Variants in HIPK4 observed in about 807,000 individuals in gnomAD.
HIPK4 encodes the protein homeodomain-interacting protein kinase 4.
A neutral mutation model predicts 44.8 loss-of-function variants in HIPK4; 26 were observed. The observed-to-expected ratio is 0.58, with a 90% confidence interval of 0.43 to 0.80. HIPK4 has a LOEUF of 0.80. Among genes scored for constraint, HIPK4 ranks in the 30% least tolerant of loss-of-function variants. The probability of loss-of-function intolerance (pLI) is 0.00; values close to 1 mark genes in which losing one functional copy is unlikely to be tolerated. For synonymous variants in HIPK4, 340 were observed against 355.5 expected (o/e 0.96, Z 0.49); for missense variants, 729 against 862.6 (o/e 0.85, Z 1.94).
rs940360583 is a variant in HIPK4, at chr19:40,389,244, G to C, written c.465+194C>G. Reference sequence around the variant, plus strand: ...GGAGGCTGAGGCAGGATAATCACTTGAACCCAGGAGGCGGAGTTGCAGTGA... The same window carrying C: ...GGAGGCTGAGGCAGGATAATCACTTCAACCCAGGAGGCGGAGTTGCAGTGA... On this transcript the variant is annotated intron_variant, in intron 1 of 3. Transcript: ENST00000291823. The surrounding 1 kb of genome is among the most constrained non-coding windows in gnomAD (Gnocchi z 4.6). 6.6e-6 allele frequency among the ~76,000 whole-genome samples: 1 copy of C among 152,096 alleles called. No homozygotes were observed. Among genetic ancestry groups the C allele is most frequent in the African/African-American group, 2.4e-5 (1 of 41,414 alleles).
In HIPK4 at chr19:40,379,774, G is replaced by A. The variant is rs749021297; in HGVS notation, c.1669-5C>T. On this transcript the variant is annotated splice_region_variant and splice_polypyrimidine_tract_variant and intron_variant, in intron 3 of 3. Coordinates refer to ENST00000291823, the MANE Select transcript of HIPK4 (RefSeq NM_144685.5). Reference sequence around the variant, plus strand: ...GAAGAGCTCAGGGTCTGGCCTCTGTGGGGGAAGAGAGAGGGGCATCAGCCA... The same window carrying A: ...GAAGAGCTCAGGGTCTGGCCTCTGTAGGGGAAGAGAGAGGGGCATCAGCCA... The A allele has an allele frequency of 3.7e-6, 6 of 1,606,422 alleles. No homozygotes were observed. The highest frequency in any genetic ancestry group is 3.5e-5 in the Admixed American group (2 of 57,416).
At chr19:40,386,717 G>A (rs761265806) in intron 1 of HIPK4, among the ~76,000 whole-genome samples, 2 of 152,184 alleles carry the variant, frequency 1.3e-5, no homozygotes, top group African/African-American at 4.8e-5. Flanking sequence ...TATCCATTTT[G>A]TTCAATACTG....
Position 40,389,962 on chromosome 19 carries a change from C to A in HIPK4, c.-60G>T. On this transcript the variant is annotated 5_prime_UTR_variant, in exon 1 of 4. Coordinates refer to ENST00000291823, the MANE Select transcript of HIPK4 (RefSeq NM_144685.5). The surrounding 1 kb of genome is among the most constrained non-coding windows in gnomAD (Gnocchi z 4.6). Reference sequence around the variant, plus strand: ...CCCCTGTACCACTGGCTCTGCCGCCCAGGCCTCCCGCCTGGCTGCTGACAC... The same window carrying A: ...CCCCTGTACCACTGGCTCTGCCGCCAAGGCCTCCCGCCTGGCTGCTGACAC... The A allele has an allele frequency of 7.3e-7, 1 of 1,364,900 alleles. No homozygotes were observed. The highest frequency in any genetic ancestry group is 1.0e-6 in the Non-Finnish European group (1 of 992,588). 84.5% of individuals were successfully genotyped at this position (1,364,900 alleles called of 1,614,324 possible).
At position 40,380,732 on chromosome 19, in the gene HIPK4, G is replaced by T; in HGVS notation, c.1259C>A (p.Pro420Gln). Residue 420 changes from proline to glutamine, a missense_variant, in exon 3 of 4, where the codon CCA becomes CAA. Around this residue, in one of 2 missense-constraint regions of HIPK4, gnomAD observed 533 missense variants for 567.5 expected, o/e 0.94. Coordinates refer to ENST00000291823, the MANE Select transcript of HIPK4 (RefSeq NM_144685.5). The surrounding 1 kb of genome is among the most constrained non-coding windows in gnomAD (Gnocchi z 4.2). ...SSPFFREEKA[P>Q]GMQRAIDQLD... Reference sequence around the variant, plus strand: ...CTGGTCGATGGCTCTTTGCATACCTGGTGCCTTCTCCTCTCGGAAGAAGGG... The same window carrying T: ...CTGGTCGATGGCTCTTTGCATACCTTGTGCCTTCTCCTCTCGGAAGAAGGG... The T allele has an allele frequency of 6.2e-7, 1 of 1,614,126 alleles. No individual in the cohort carries two copies. Among genetic ancestry groups the T allele is most frequent in the Non-Finnish European group, 8.5e-7 (1 of 1,179,970 alleles).
At chr19:40,384,379 C>G (rs1010808190) in intron 1 of HIPK4, among the ~76,000 whole-genome samples, 6 of 152,156 alleles carry the variant, frequency 3.9e-5, no homozygotes. Flanking sequence ...TCTCAGCACA[C>G]TGCAACCTCC....
intron 1 of HIPK4, among the ~76,000 whole-genome samples, chr19:40,386,436 C>T (rs1052100389): frequency 6.6e-6 from 1 of 152,042 alleles, no homozygotes; most frequent in African/African-American, 2.4e-5. Flanking sequence ...TCACTGTAGC[C>T]GCGAACTCCA....
intron 2 of HIPK4, among the ~76,000 whole-genome samples, chr19:40,381,665 A>G (rs1050998540): frequency 2.0e-5 from 3 of 151,876 alleles, no homozygotes; most frequent in African/African-American, 7.3e-5. Context: ...TCAAACTCCT[A>G]GTCCCCTCTG....
chr19:40,381,218 G>A, intron 2 of HIPK4, 50 bp from the exon 3 acceptor site: 1 of 1,458,754 alleles, frequency 6.9e-7, no homozygotes, highest in Non-Finnish European at 9.3e-7. Context: ...GCAGGGCTAG[G>A]GCCCTGGGCA....
At position 40,379,596 on chromosome 19, in the gene HIPK4, C is replaced by T; in HGVS notation, c.1842G>A (p.Gly614=). Residue 614 remains glycine, a synonymous_variant, in exon 4 of 4, where the codon GGG becomes GGA. Transcript: ENST00000291823. ...AGGGGTGGAATCACCATCAGTGGTG[C>T]CCGGTGACATGCTGGAGGAAGCTGG... ...GATSFLQHVT[G]HH 1 of 1,534,286 alleles carries T rather than the reference C, an allele frequency of 6.5e-7. No individual in the cohort carries two copies. The highest frequency in any genetic ancestry group is 8.8e-7 in the Non-Finnish European group (1 of 1,141,344).
rs200281362 is a variant in HIPK4 at position 40,383,787 on chromosome 19, G to A, written c.818C>T (p.Thr273Met). The A allele has an allele frequency of 7.4e-5, 119 of 1,601,704 alleles. 1 individual carries two copies. In the East Asian group the frequency reaches 2.0e-3, roughly 27 times the overall value. ...CTCACCCAACTTTTCCCTTACCTTC[G>A]TCTCGGCCAGGTAGTCAGCCGAGGA... is the stretch of plus-strand genomic sequence containing the variant. ...LKSSADYLAETKVRPLERRKY... is the reference protein window; with the variant it reads ...LKSSADYLAEMKVRPLERRKY... Residue 273 changes from threonine to methionine, a missense_variant, in exon 2 of 4, where the codon ACG (threonine) becomes ATG (methionine). By Grantham distance (81) the Thr-to-Met change is moderately conservative. Around this residue, in one of 2 missense-constraint regions of HIPK4, gnomAD observed 533 missense variants for 567.5 expected, o/e 0.94. Transcript: ENST00000291823.
Position 40,381,156 on chromosome 19 carries a change from C to G in HIPK4, c.835G>C (p.Glu279Gln). 6.3e-7 allele frequency: 1 copy of G among 1,596,020 alleles called. No homozygotes were observed. Among genetic ancestry groups the G allele is most frequent in the Non-Finnish European group, 8.5e-7 (1 of 1,175,536 alleles). ...GACTTGAGCATATACTTGCGGCGCT[C>G]CAATGGGCGCACCTGGCGGGGCATG... is the stretch of plus-strand genomic sequence containing the variant. The part of the protein sequence containing the change: ...YLAETKVRPL[E>Q]RRKYMLKSLD... Residue 279 changes from glutamate (E) to glutamine (Q), a missense_variant, in exon 3 of 4, where the codon GAG becomes CAG. This residue lies in a region of HIPK4 where 533 missense variants were observed against 567.5 expected (regional missense o/e 0.94). Coordinates refer to ENST00000291823, the MANE Select transcript of HIPK4 (RefSeq NM_144685.5).
At chr19:40,383,081 CTTT>C (rs71171564) in intron 2 of HIPK4, among the ~76,000 whole-genome samples, 5 of 78,612 alleles carry the variant, frequency 6.4e-5, no homozygotes, top group African/African-American at 4.8e-5. Context: ...TCTTTTCTTT[CTTT>C]TTTTTTTTTT....
chr19:40,389,417 C>A lies in HIPK4; in HGVS notation c.465+21G>T, dbSNP rs2079377238. The A allele has an allele frequency of 6.7e-7, 1 of 1,502,016 alleles. No homozygotes were observed. The highest frequency in any genetic ancestry group is 9.0e-7 in the Non-Finnish European group (1 of 1,113,302). 93.0% of individuals were successfully genotyped at this position (1,502,016 alleles called of 1,614,324 possible). Reference sequence around the variant, plus strand: ...AGACAAGGAACTAGGGACGCAGCCACCCTAGACGACCCCTACTCACCTTGA... The same window carrying A: ...AGACAAGGAACTAGGGACGCAGCCAACCTAGACGACCCCTACTCACCTTGA... On this transcript the variant is annotated intron_variant, in intron 1 of 3. Coordinates refer to ENST00000291823, the MANE Select transcript of HIPK4 (RefSeq NM_144685.5). The surrounding 1 kb of genome is among the most constrained non-coding windows in gnomAD (Gnocchi z 4.6).
At position 40,389,115 on chromosome 19, in the gene HIPK4, G is replaced by A. The variant is rs1046638037; in HGVS notation, c.465+323C>T. Among the ~76,000 whole-genome samples the A allele has an allele frequency of 4.0e-5, 6 of 151,516 alleles. No individual in the cohort carries two copies. Among genetic ancestry groups the A allele is most frequent in the Admixed American group, 4.0e-4 (6 of 15,166 alleles). ...GGAGAATCGCTTGAACCCGGGAGGC[G>A]GAGGCAGTGAACCAAGATCATGCCA... On this transcript the variant is annotated intron_variant, in intron 1 of 3. Transcript: ENST00000291823. This position sits in a 1 kb window ranked among gnomAD's most constrained non-coding sequence, Gnocchi z 4.6.
chr19:40,380,047 C>A lies in HIPK4; in HGVS notation c.1668+276G>T, dbSNP rs919276083. ...TCTAATTTTTTGGTGCAGACGGGAT[C>A]TCACTATGTTGCCCAGGCTCTTTAT... is the stretch of plus-strand genomic sequence containing the variant. On this transcript the variant is annotated intron_variant, in intron 3 of 3. Transcript: ENST00000291823. The surrounding 1 kb of genome is among the most constrained non-coding windows in gnomAD (Gnocchi z 4.2). Among the ~76,000 whole-genome samples, 1 of 152,172 alleles carries A rather than the reference C, an allele frequency of 6.6e-6. No individual in the cohort carries two copies. Among genetic ancestry groups the A allele is most frequent in the Non-Finnish European group, 1.5e-5 (1 of 68,030 alleles).
rs1257690424 is a variant in HIPK4, at chr19:40,384,146, G to T, written c.466-7C>A. The T allele has an allele frequency of 6.4e-7, 1 of 1,562,984 alleles. No homozygotes were observed. Among genetic ancestry groups the T allele is most frequent in the Non-Finnish European group, 8.7e-7 (1 of 1,148,472 alleles). On this transcript the variant is annotated splice_polypyrimidine_tract_variant and splice_region_variant and intron_variant, in intron 1 of 3. Coordinates refer to ENST00000291823, the MANE Select transcript of HIPK4 (RefSeq NM_144685.5). ...CGGATCCGAAGTCAATCACCTGTCG[G>T]GGGTGGGGAAGAGGGCGAGTGGGCA...
chr19:40,380,782 A>G lies in HIPK4; in HGVS notation c.1209T>C (p.Gly403=), dbSNP rs1599641475. 1.9e-6 allele frequency: 3 copies of G among 1,613,894 alleles called. No homozygotes were observed. Among genetic ancestry groups the G allele is most frequent in the Non-Finnish European group, 2.5e-6 (3 of 1,179,976 alleles). ...YCLAEEKEAA[G]MGSVAGSSPF... is the part of the protein sequence containing the mutation. ...GGCTGCTGCCGGCCACACTGCCCATACCCGCAGCCTCCTTCTCCTCAGCCA... is the reference window on the plus strand; with the variant it reads ...GGCTGCTGCCGGCCACACTGCCCATGCCCGCAGCCTCCTTCTCCTCAGCCA... Residue 403 remains glycine (G), a synonymous_variant, in exon 3 of 4, where the codon GGT becomes GGC. Transcript: ENST00000291823. This position sits in a 1 kb window ranked among gnomAD's most constrained non-coding sequence, Gnocchi z 4.2.
In HIPK4 at chr19:40,386,095, A is replaced by G. The variant is rs533389802; in HGVS notation, c.466-1956T>C. ...TTAATTATTTATTTTTTTGTGACGG[A>G]GTCTCGCTCTGTTGGCCAGGCTGGA... On this transcript the variant is annotated intron_variant, in intron 1 of 3. Coordinates refer to ENST00000291823, the MANE Select transcript of HIPK4 (RefSeq NM_144685.5). 2.4e-4 allele frequency among the ~76,000 whole-genome samples: 36 copies of G among 150,044 alleles called. 1 individual carries two copies. In the South Asian group the frequency reaches 5.3e-3, roughly 22 times the overall value.
intron 2 of HIPK4, 135 bp from the exon 3 acceptor site, chr19:40,381,303 T>G (rs560799718): frequency 1.4e-6 from 1 of 717,042 alleles, no homozygotes; most frequent in African/African-American, 1.8e-5. Context: ...CTCTGGCTGC[T>G]AGGAGGGCCA....
Sources: allele counts gnomAD v4.1 joint callset (sites outside exome capture counted in the v4.1 genomes callset), GRCh38; gene constraint gnomAD v4.1.1; regional missense constraint gnomAD v4.1.1; non-coding constraint Gnocchi (gnomAD v3.1); transcripts MANE v1.5; gene names NCBI Gene and HGNC (gene_info 2026-07-23, HGNC 2026-07-21).